The following SV2C variants were observed in gnomAD, a reference collection of about 807,000 sequenced individuals.
SV2C encodes the protein solute carrier family 22 member B3.
A neutral mutation model predicts 79.7 loss-of-function variants in SV2C; 49 were observed. That is an observed-to-expected ratio of 0.61 (90% CI 0.49 to 0.78). The LOEUF (loss-of-function observed/expected upper bound fraction) is 0.78, where lower values mean the gene tolerates loss of function less well. SV2C is among the 30% of genes least tolerant of loss of function. The pLI is 0.00. For missense variants in SV2C, 833 were observed against 912.9 expected (o/e 0.91, Z 1.13); for synonymous variants, 334 against 333.2 (o/e 1.00, Z -0.03).
chr5:75,965,678 G>A, the SV2C span, among the ~76,000 whole-genome samples: 1 of 152,146 alleles, frequency 6.6e-6, no homozygotes, highest in African/African-American at 2.4e-5. Flanking sequence ...GAGTAAGAAA[G>A]TGGAGTGAAT....
At chr5:76,093,251 T>C (rs2112101783) in intron 1 of SV2C, among the ~76,000 whole-genome samples, 1 of 152,258 alleles carries the variant, frequency 6.6e-6, no homozygotes, top group South Asian at 2.1e-4. Context: ...CTTCAGTCCT[T>C]TGGAGGTGCT....
At chr5:76,083,264 G>A (rs1343687490), upstream of SV2C, 2 of 152,456 alleles carry the variant, frequency 1.3e-5, no homozygotes, top group Admixed American at 6.5e-5. Context: ...CCACGCCGCC[G>A]CCCGGCACTG....
At chr5:75,863,647 C>T in the SV2C span, among the ~76,000 whole-genome samples, 35 of 152,178 alleles carry the variant, frequency 2.3e-4, no homozygotes, top group South Asian at 1.7e-3. Context: ...TATGCAGTGG[C>T]TTGGCTTCAG....
the SV2C span, among the ~76,000 whole-genome samples, chr5:75,917,500 A>G: frequency 9.8e-5 from 15 of 152,354 alleles, no homozygotes; most frequent in African/African-American, 3.1e-4. Flanking sequence ...ATCTATGTAA[A>G]TCTCATAACC....
At chr5:75,989,983 T>G in the SV2C span, among the ~76,000 whole-genome samples, 373 of 9,580 alleles carry the variant, frequency 0.039, 1 homozygote, top group African/African-American at 0.14. Flanking sequence ...TTTAATGGGG[T>G]TTTTTTTTTT....
At chr5:76,017,305 GAGA>G in the SV2C span, among the ~76,000 whole-genome samples, 1 of 152,126 alleles carries the variant, frequency 6.6e-6, no homozygotes, top group South Asian at 2.1e-4. Flanking sequence ...GTTGTTGTTT[GAGA>G]AGGAGTCTTG....
rs1424169694 is a variant in SV2C, at chr5:76,132,054, G to A, written c.304G>A (p.Ala102Thr). Residue 102 changes from alanine (A) to threonine (T), a missense_variant, in exon 2 of 13, where the codon GCG becomes ACG. Ala to Thr is a moderately conservative substitution (Grantham distance 58). Transcript: ENST00000502798. ...EYQGIPSMNQ[A>T]KDSIVSVGQP... ...TCAGGGCATCCCCAGTATGAACCAA[G>A]CGAAGGACAGCATCGTGTCAGTGGG... The A allele has an allele frequency of 1.2e-6, 2 of 1,611,834 alleles. No homozygotes were observed. The highest frequency in any genetic ancestry group is 2.2e-5 in the South Asian group (2 of 90,780).
intron 4 of SV2C, among the ~76,000 whole-genome samples, chr5:76,243,012 TAAAAAAAAAAAAA>T (rs559052290): frequency 4.0e-5 from 2 of 49,924 alleles, no homozygotes; most frequent in African/African-American, 1.5e-4. Flanking sequence ...AGACCCCATC[TAAAAAAAAAAAAA>T]AAAAAAAAAA....
the SV2C span, among the ~76,000 whole-genome samples, chr5:76,076,931 T>A: frequency 6.6e-6 from 1 of 152,132 alleles, no homozygotes. Flanking sequence ...AGGTCCTAGG[T>A]TTTGTCTTGT....
At position 76,332,228 on chromosome 5, in the gene SV2C, C is replaced by T. The variant is rs1749207212; in HGVS notation, c.*6681C>T. 1 of 152,196 alleles carries T rather than the reference C, an allele frequency of 6.6e-6. No homozygotes were observed. The highest frequency in any genetic ancestry group is 2.1e-4 in the South Asian group (1 of 4,832). 9.4% of individuals were successfully genotyped at this position (152,196 alleles called of 1,614,324 possible). A position where few individuals can be genotyped will look rare whatever the true frequency, so the allele number is the denominator to read the frequency against. On this transcript the variant is annotated 3_prime_UTR_variant, in exon 13 of 13. Coordinates refer to ENST00000502798, the MANE Select transcript of SV2C (RefSeq NM_014979.4). ...CTAGGAGCAGAAAGCAGTTTTCAAC[C>T]CTTTGTTCAGACTCAGACGGGTTTC...
chr5:76,039,456 G>A, the SV2C span, among the ~76,000 whole-genome samples: 1 of 152,062 alleles, frequency 6.6e-6, no homozygotes, highest in Non-Finnish European at 1.5e-5. Flanking sequence ...CACCCACCTT[G>A]TACAGAAAAG....
chr5:75,906,349 T>C, the SV2C span, among the ~76,000 whole-genome samples: 1 of 152,138 alleles, frequency 6.6e-6, no homozygotes. Flanking sequence ...CTACTTTGTG[T>C]CCCACACTGT....
chr5:75,986,751 T>A, the SV2C span, among the ~76,000 whole-genome samples: 1 of 152,024 alleles, frequency 6.6e-6, no homozygotes, highest in Non-Finnish European at 1.5e-5. Context: ...CTGGGATACA[T>A]GTCTCCGTGA....
chr5:76,296,416 A>C (rs1747765708), intron 9 of SV2C, among the ~76,000 whole-genome samples: 1 of 152,216 alleles, frequency 6.6e-6, no homozygotes, highest in Admixed American at 6.5e-5. Flanking sequence ...AAATTGCATC[A>C]GGAAGAGTTT....
chr5:75,948,851 T>G, the SV2C span, among the ~76,000 whole-genome samples: 1 of 151,774 alleles, frequency 6.6e-6, no homozygotes, highest in African/African-American at 2.4e-5. Flanking sequence ...GGAGGCAGGG[T>G]CTGAGAGCTG....
At chr5:75,972,249 T>C in the SV2C span, among the ~76,000 whole-genome samples, 1 of 151,966 alleles carries the variant, frequency 6.6e-6, no homozygotes, top group Admixed American at 6.6e-5. Flanking sequence ...GCAATACCAT[T>C]CAGGACATAG....
At chr5:76,062,024 G>A in the SV2C span, among the ~76,000 whole-genome samples, 1 of 151,868 alleles carries the variant, frequency 6.6e-6, no homozygotes, top group African/African-American at 2.4e-5. Flanking sequence ...TTTTCCTGAT[G>A]TTTCTTTATC....
downstream of SV2C, among the ~76,000 whole-genome samples, chr5:76,337,619 G>A (rs558598380): frequency 6.6e-6 from 1 of 152,268 alleles, no homozygotes; most frequent in South Asian, 2.1e-4. Context: ...CAGGTAGCAT[G>A]GGCTGTGTGC....
At chr5:76,108,646 T>C (rs1327067111) in intron 1 of SV2C, among the ~76,000 whole-genome samples, 3 of 152,236 alleles carry the variant, frequency 2.0e-5, no homozygotes, top group Admixed American at 6.5e-5. Context: ...TTTTTTTTCA[T>C]TGGATAACCT....
Sources: allele counts gnomAD v4.1 joint callset (sites outside exome capture counted in the v4.1 genomes callset), GRCh38; gene constraint gnomAD v4.1.1; transcripts MANE v1.5; gene names NCBI Gene and HGNC (gene_info 2026-07-23, HGNC 2026-07-21).